Variants in DPP10 observed in about 807,000 individuals in gnomAD.
The protein encoded by DPP10 is inactive dipeptidyl peptidase 10.
DPP10 carries 33 observed loss-of-function variants against 120.9 expected under a neutral mutation model. The observed-to-expected ratio is 0.27, with a 90% CI of 0.21 to 0.37. The LOEUF is 0.37. DPP10 is among the 10% of genes least tolerant of loss of function. The pLI is 1.00. For synonymous variants in DPP10, 337 were observed against 326.1 expected, an observed-to-expected ratio of 1.03 and a Z score of -0.36; for missense variants, 816 against 942.8, an observed-to-expected ratio of 0.87 and a Z score of 1.76.
chr2:114,914,756 A>G (rs1360093968), intron 1 of DPP10, among the ~76,000 whole-genome samples: 1 of 152,212 alleles, frequency 6.6e-6, no homozygotes, highest in Non-Finnish European at 1.5e-5. Flanking sequence ...AAAGAGTGGC[A>G]AACAGGATAA....
intron 1 of DPP10, among the ~76,000 whole-genome samples, chr2:114,529,006 C>G (rs1200602554): frequency 1.3e-5 from 2 of 152,010 alleles, no homozygotes; most frequent in Non-Finnish European, 2.9e-5. Flanking sequence ...CTTATGCCCT[C>G]CAAGTGGGTC....
intron 1 of DPP10, among the ~76,000 whole-genome samples, chr2:115,111,931 A>G (rs774931629): frequency 4.6e-5 from 7 of 152,204 alleles, no homozygotes; most frequent in East Asian, 3.9e-4. Flanking sequence ...CAAGCGGCCA[A>G]TCAGATTCCT....
At chr2:115,415,863 AT>A (rs1486934195) in intron 3 of DPP10, among the ~76,000 whole-genome samples, 2 of 136,606 alleles carry the variant, frequency 1.5e-5, no homozygotes, top group Non-Finnish European at 3.1e-5. Context: ...ATATATATAT[AT>A]ATATATATAT....
chr2:115,460,756 A>G (rs958438632), intron 3 of DPP10, among the ~76,000 whole-genome samples: 2 of 152,196 alleles, frequency 1.3e-5, no homozygotes, highest in East Asian at 1.9e-4. Context: ...GGCTACTGCC[A>G]GGTCTTGAGA....
chr2:115,480,161 G>C (rs1182636935), intron 3 of DPP10, among the ~76,000 whole-genome samples: 1 of 152,022 alleles, frequency 6.6e-6, no homozygotes, highest in East Asian at 1.9e-4. Context: ...TCTCCCATTG[G>C]AATTCTGGCT....
chr2:114,822,738 C>T (rs1402672557), intron 1 of DPP10, among the ~76,000 whole-genome samples: 1 of 152,072 alleles, frequency 6.6e-6, no homozygotes, highest in East Asian at 1.9e-4. Flanking sequence ...GAAATTTCTT[C>T]TGCCAGATAC....
At chr2:114,936,361 ATATG>A (rs1696467822) in intron 1 of DPP10, among the ~76,000 whole-genome samples, 1 of 151,782 alleles carries the variant, frequency 6.6e-6, no homozygotes, top group South Asian at 2.1e-4. Context: ...GTGTATATAT[ATATG>A]TGTGTGTGTA....
intron 3 of DPP10, among the ~76,000 whole-genome samples, chr2:115,434,551 T>G (rs1309477097): frequency 1.3e-5 from 2 of 151,884 alleles, no homozygotes; most frequent in African/African-American, 2.4e-5. Flanking sequence ...TTTCATTTTT[T>G]TGCTGATCCA....
chr2:115,491,548 G>A (rs757345515), intron 3 of DPP10, among the ~76,000 whole-genome samples: 2 of 152,162 alleles, frequency 1.3e-5, no homozygotes, highest in South Asian at 4.2e-4. Context: ...TCTCTGGGAG[G>A]AGAGGAGATT....
chr2:114,715,855 T>C (rs2105885528), intron 1 of DPP10, among the ~76,000 whole-genome samples: 1 of 151,938 alleles, frequency 6.6e-6, no homozygotes, highest in African/African-American at 2.4e-5. Context: ...ATATACAAAA[T>C]GAATCAAAGT....
At chr2:115,051,729 G>A (rs1705496501) in intron 1 of DPP10, among the ~76,000 whole-genome samples, 1 of 152,064 alleles carries the variant, frequency 6.6e-6, no homozygotes, top group South Asian at 2.1e-4. Context: ...GTTTCAGTTA[G>A]GATGAATAAG....
intron 1 of DPP10, among the ~76,000 whole-genome samples, chr2:114,973,588 G>A (rs1249186468): frequency 6.8e-6 from 1 of 148,112 alleles, no homozygotes; most frequent in Non-Finnish European, 1.5e-5. Flanking sequence ...CATGAACCCG[G>A]GAGGTGGAGC....
intron 7 of DPP10, among the ~76,000 whole-genome samples, chr2:115,709,906 A>G (rs2092261898): frequency 6.6e-6 from 1 of 152,072 alleles, no homozygotes; most frequent in East Asian, 1.9e-4. Flanking sequence ...GCAATAAAAA[A>G]CACAAATTTA....
intron 19 of DPP10, among the ~76,000 whole-genome samples, chr2:115,807,146 C>G (rs1434650483): frequency 2.0e-5 from 3 of 152,220 alleles, no homozygotes; most frequent in Non-Finnish European, 4.4e-5. Flanking sequence ...CTTACTCACT[C>G]ACACTGTTAG....
chr2:115,553,283 TTA>T (rs2079990538), intron 5 of DPP10, among the ~76,000 whole-genome samples: 1 of 152,082 alleles, frequency 6.6e-6, no homozygotes, highest in Admixed American at 6.6e-5. Context: ...CCATAAATCT[TTA>T]TATTCAAATG....
chr2:115,575,320 A>G (rs928595580), intron 5 of DPP10, among the ~76,000 whole-genome samples: 3 of 152,196 alleles, frequency 2.0e-5, no homozygotes, highest in African/African-American at 7.2e-5. Context: ...TATCATCATA[A>G]GAAAGTGAGT....
chr2:115,705,508 G>A (rs2092068249), intron 7 of DPP10, among the ~76,000 whole-genome samples: 1 of 151,902 alleles, frequency 6.6e-6, no homozygotes, highest in Admixed American at 6.6e-5. Context: ...GGAAGTAGAT[G>A]AGGAACAAGG....
At chr2:114,840,634 A>T (rs374146801) in intron 1 of DPP10, among the ~76,000 whole-genome samples, 21 of 152,280 alleles carry the variant, frequency 1.4e-4, no homozygotes, top group East Asian at 1.4e-3. Context: ...AAATTTATAG[A>T]TTTATTCAAG....
chr2:115,813,853 G>A (rs914683277), intron 19 of DPP10, among the ~76,000 whole-genome samples: 5 of 152,166 alleles, frequency 3.3e-5, no homozygotes, highest in Non-Finnish European at 7.4e-5. Flanking sequence ...TGAAGAGTGA[G>A]TAGGCTGGGA....
Sources: gnomAD v4.1 joint callset for allele counts (sites outside exome capture counted in the v4.1 genomes callset) on GRCh38, gnomAD v4.1.1 for gene constraint, MANE v1.5 for transcripts, NCBI Gene and HGNC (gene_info 2026-07-23, HGNC 2026-07-21) for gene names.